The following JAKMIP2 variants were observed in gnomAD, a reference collection of about 807,000 sequenced individuals.
JAKMIP2 encodes the protein janus kinase and microtubule-interacting protein 2.
JAKMIP2 carries 25 observed loss-of-function variants against 115.0 expected under a neutral mutation model. The ratio of observed to expected loss-of-function variants is 0.22; its 90% CI spans 0.16 to 0.30. The LOEUF (loss-of-function observed/expected upper bound fraction) is 0.30. JAKMIP2 is among the 10% of genes least tolerant of loss of function. JAKMIP2 has a pLI of 1.00. For synonymous variants in JAKMIP2, 334 were observed against 343.6 expected, an observed-to-expected ratio of 0.97 and a Z score of 0.31; for missense variants, 642 against 957.6, an observed-to-expected ratio of 0.67 and a Z score of 4.35.
intron 1 of JAKMIP2, among the ~76,000 whole-genome samples, chr5:147,775,391 G>C (rs954853747): frequency 3.3e-5 from 5 of 152,096 alleles, no homozygotes; most frequent in African/African-American, 1.2e-4. Flanking sequence ...CTGTGAGTGT[G>C]TATCATATAA....
At chr5:147,761,533 T>C (rs1754928273) in intron 1 of JAKMIP2, among the ~76,000 whole-genome samples, 1 of 152,116 alleles carries the variant, frequency 6.6e-6, no homozygotes, top group Non-Finnish European at 1.5e-5. Flanking sequence ...TTTGGATTTA[T>C]TATCTAACTT....
intron 1 of JAKMIP2, among the ~76,000 whole-genome samples, chr5:147,780,957 G>T (rs1755735206): frequency 1.3e-5 from 2 of 151,984 alleles, no homozygotes; most frequent in South Asian, 2.1e-4. Flanking sequence ...ATTTTTTCTG[G>T]CTTTAATTCA....
chr5:147,684,419 A>T (rs1760475393), intron 1 of JAKMIP2, among the ~76,000 whole-genome samples: 1 of 152,142 alleles, frequency 6.6e-6, no homozygotes, highest in African/African-American at 2.4e-5. Context: ...TATTGGGCAT[A>T]GGTAAATTCT....
intron 3 of JAKMIP2, among the ~76,000 whole-genome samples, chr5:147,653,607 A>G (rs1189593743): frequency 1.3e-5 from 2 of 152,050 alleles, no homozygotes; most frequent in African/African-American, 4.8e-5. Flanking sequence ...GATTCTGGAT[A>G]TTACACCTTT....
chr5:147,767,259 C>G (rs1458648124), intron 1 of JAKMIP2, among the ~76,000 whole-genome samples: 1 of 152,090 alleles, frequency 6.6e-6, no homozygotes, highest in East Asian at 1.9e-4. Flanking sequence ...GCCTTATTAC[C>G]TTGAGAAGCA....
chr5:147,637,138 AG>A, intron 10 of JAKMIP2, 90 bp from the exon 11 acceptor site: 1 of 749,750 alleles, frequency 1.3e-6, no homozygotes, highest in Non-Finnish European at 2.3e-6. Flanking sequence ...AGAGAGAGAG[AG>A]GAAAAAAAGA....
chr5:147,703,347 C>T (rs77357729), intron 1 of JAKMIP2, among the ~76,000 whole-genome samples: 1,910 of 152,106 alleles, frequency 0.013, 51 homozygotes, highest in African/African-American at 0.044. Flanking sequence ...TGTATCTAAA[C>T]ATACTTAAAC....
At chr5:147,680,420 A>G (rs1760198544) in intron 1 of JAKMIP2, among the ~76,000 whole-genome samples, 1 of 152,198 alleles carries the variant, frequency 6.6e-6, no homozygotes, top group South Asian at 2.1e-4. Flanking sequence ...GAATAAAGTC[A>G]TTATTAATCT....
chr5:147,704,216 AT>A (rs1752482348), intron 1 of JAKMIP2, among the ~76,000 whole-genome samples: 1 of 152,190 alleles, frequency 6.6e-6, no homozygotes, highest in Non-Finnish European at 1.5e-5. Flanking sequence ...ATAGTCTTTT[AT>A]TATCATTATC....
chr5:147,782,696 G>A lies in JAKMIP2; in HGVS notation c.-389C>T. On this transcript the variant is annotated 5_prime_UTR_variant, in exon 1 of 22. Transcript: ENST00000616793. Reference sequence around the variant, plus strand: ...GCAGCAGCAGCAGCATCACCAGTTGGGCCTCCTCCCTCTCGGAGGATGGGG... The same window carrying A: ...GCAGCAGCAGCAGCATCACCAGTTGAGCCTCCTCCCTCTCGGAGGATGGGG... 1.6e-6 allele frequency: 1 copy of A among 617,452 alleles called. No homozygotes were observed. Among genetic ancestry groups the A allele is most frequent in the East Asian group, 3.2e-5 (1 of 31,452 alleles). 38.2% of individuals were successfully genotyped at this position (617,452 alleles called of 1,614,324 possible).
Position 147,623,602 on chromosome 5 carries a change from T to A in JAKMIP2, c.2064+19A>T. 1 of 1,515,530 alleles carries A rather than the reference T, an allele frequency of 6.6e-7. No individual in the cohort carries two copies. The highest frequency in any genetic ancestry group is 9.2e-7 in the Non-Finnish European group (1 of 1,092,572). The allele number at this position is 1,515,530 out of a possible 1,614,324, so 93.9% of individuals were successfully genotyped here. ...TGTAAGTTTTTCTTAATTTTTACAA[T>A]ATCTCATCTTGTACTTACCATGTCA... is the stretch of plus-strand genomic sequence containing the variant. On this transcript the variant is annotated intron_variant, in intron 17 of 21. Coordinates refer to ENST00000616793, the MANE Select transcript of JAKMIP2 (RefSeq NM_001270941.2).
At chr5:147,725,109 T>G (rs1753465218) in intron 1 of JAKMIP2, among the ~76,000 whole-genome samples, 1 of 152,066 alleles carries the variant, frequency 6.6e-6, no homozygotes, top group African/African-American at 2.4e-5. Flanking sequence ...CATTATACAT[T>G]AATTATAATG....
At chr5:147,734,395 C>G (rs958277733) in intron 1 of JAKMIP2, among the ~76,000 whole-genome samples, 1 of 150,892 alleles carries the variant, frequency 6.6e-6, no homozygotes, top group Non-Finnish European at 1.5e-5. Flanking sequence ...AGCAAACTAA[C>G]ACAGGAACAG....
At chr5:147,656,682 T>A (rs1196042716) in intron 3 of JAKMIP2, among the ~76,000 whole-genome samples, 1 of 152,262 alleles carries the variant, frequency 6.6e-6, no homozygotes, top group Non-Finnish European at 1.5e-5. Flanking sequence ...TTAGCCCATT[T>A]ACATTTAAGG....
intron 1 of JAKMIP2, among the ~76,000 whole-genome samples, chr5:147,702,607 A>AGAAAGAAAGAAAGAAAGAAG (rs1752393180): frequency 1.2e-4 from 2 of 16,760 alleles, no homozygotes; most frequent in Non-Finnish European, 3.3e-4. Flanking sequence ...AAAGAAGGAA[A>AGAAAGAAAGAAAGAAAGAAG]GAAAGAAAGA....
At chr5:147,751,295 T>G (rs1196632084) in intron 1 of JAKMIP2, among the ~76,000 whole-genome samples, 1 of 146,190 alleles carries the variant, frequency 6.8e-6, no homozygotes, top group Non-Finnish European at 1.5e-5. Flanking sequence ...AGATGGGGTT[T>G]CACCATGTTA....
At chr5:147,656,581 T>C (rs955222280) in intron 3 of JAKMIP2, among the ~76,000 whole-genome samples, 5 of 152,200 alleles carry the variant, frequency 3.3e-5, no homozygotes, top group African/African-American at 1.2e-4. Context: ...ACATGTGTCT[T>C]TGCATGTGAG....
intron 21 of JAKMIP2, among the ~76,000 whole-genome samples, chr5:147,596,735 G>C (rs1277311800): frequency 1.3e-5 from 2 of 152,018 alleles, no homozygotes; most frequent in African/African-American, 4.8e-5. Context: ...AGACAAATAG[G>C]GAAACAATTT....
At position 147,758,766 on chromosome 5, in the gene JAKMIP2, A is replaced by G. The variant is rs555519084; in HGVS notation, c.-149+23690T>C. On this transcript the variant is annotated intron_variant, in intron 1 of 21. Transcript: ENST00000616793. ...TGACCAGCTAAAAGAGTTTTATACA[A>G]TGAAATCCCCACTAGAACATACATA... 3.9e-5 allele frequency among the ~76,000 whole-genome samples: 6 copies of G among 152,212 alleles called. No individual in the cohort carries two copies. In the East Asian group the frequency reaches 1.2e-3, roughly 29 times the overall value.
Sources: gnomAD v4.1 joint callset for allele counts (sites outside exome capture counted in the v4.1 genomes callset) on GRCh38, gnomAD v4.1.1 for gene constraint, MANE v1.5 for transcripts, NCBI Gene and HGNC (gene_info 2026-07-23, HGNC 2026-07-21) for gene names.